The following HMGXB3 variants were observed in gnomAD, a reference collection of about 807,000 sequenced individuals.
The protein encoded by HMGXB3 is HMG-box containing 3.
A neutral mutation model predicts 121.5 loss-of-function variants in HMGXB3; 45 were observed. That is an observed-to-expected ratio of 0.37 (90% CI 0.29 to 0.47). The LOEUF (loss-of-function observed/expected upper bound fraction) is 0.47. Ranked by LOEUF, HMGXB3 falls within the 20% of genes least tolerant of loss-of-function variation. HMGXB3 has a pLI of 0.99. For missense variants in HMGXB3, 1,376 were observed against 1,602.2 expected, an observed-to-expected ratio of 0.86 and a Z score of 2.41; for synonymous variants, 590 against 624.1, an observed-to-expected ratio of 0.95 and a Z score of 0.81.
At chr5:150,037,156 A>G (rs1756518735) in intron 12 of HMGXB3, among the ~76,000 whole-genome samples, 1 of 152,204 alleles carries the variant, frequency 6.6e-6, no homozygotes, top group Non-Finnish European at 1.5e-5. Flanking sequence ...TTTAGTTTAC[A>G]TCTGGACTGC....
intron 5 of HMGXB3, chr5:150,014,809 G>A (rs989653177): frequency 2.3e-6 from 1 of 434,230 alleles, no homozygotes; most frequent in Admixed American, 4.1e-5. Flanking sequence ...TTTAACTTGG[G>A]AGGTGGGGGA....
intron 3 of HMGXB3, among the ~76,000 whole-genome samples, chr5:150,008,094 C>CACACACACACAT (rs746974088): frequency 6.8e-6 from 1 of 147,620 alleles, no homozygotes; most frequent in African/African-American, 2.5e-5. Context: ...CACACACACA[C>CACACACACACAT]ACACAAATCA....
intron 1 of HMGXB3, among the ~76,000 whole-genome samples, chr5:150,003,370 A>G (rs942638078): frequency 2.8e-4 from 43 of 152,194 alleles, no homozygotes; most frequent in African/African-American, 9.6e-4. Context: ...TGGATTTTTG[A>G]GTTAAAAATC....
intron 19 of HMGXB3, among the ~76,000 whole-genome samples, chr5:150,051,350 C>T (rs983411665): frequency 1.3e-5 from 2 of 152,196 alleles, no homozygotes; most frequent in Admixed American, 6.5e-5. Flanking sequence ...CTGGCTTTGC[C>T]TTGGAGGAGT....
chr5:150,024,783 A>G, intron 7 of HMGXB3, 103 bp downstream of exon 7: 1 of 994,878 alleles, frequency 1.0e-6, no homozygotes, highest in South Asian at 1.8e-5. Flanking sequence ...GAGACCAGGC[A>G]ATGGTTCCTG....
At chr5:150,009,967 T>G in intron 3 of HMGXB3, 144 bp from the exon 4 acceptor site, 1 of 838,778 alleles carries the variant, frequency 1.2e-6, no homozygotes. Context: ...CTTATCTGAA[T>G]TAGGTCAAGA....
Position 150,000,840 on chromosome 5 carries a change from C to T in HMGXB3, c.-342C>T, listed in dbSNP as rs1755541168. 6.5e-6 allele frequency: 1 copy of T among 154,802 alleles called. No homozygotes were observed. Among genetic ancestry groups the T allele is most frequent in the Non-Finnish European group, 1.5e-5 (1 of 68,220 alleles). The allele number at this position is 154,802 out of a possible 1,614,324, so 9.6% of individuals were successfully genotyped here. ...CTCGAGCTCCCCGGGGCTTGACCCCCGGGGCCCTCGGCAGGCATCGGTGAG... is the reference window on the plus strand; with the variant it reads ...CTCGAGCTCCCCGGGGCTTGACCCCTGGGGCCCTCGGCAGGCATCGGTGAG... On this transcript the variant is annotated 5_prime_UTR_variant, in exon 1 of 20. Transcript: ENST00000502717.
chr5:150,050,348 G>C lies in HMGXB3; in HGVS notation c.3298G>C (p.Val1100Leu). The C allele has an allele frequency of 6.4e-7, 1 of 1,551,904 alleles. No individual in the cohort carries two copies. Reference sequence around the variant, plus strand: ...CCGCCACTGGCCGCCTGTCTATGTGGTAGATATGGCCACGTCAGTGGCCCT... The same window carrying C: ...CCGCCACTGGCCGCCTGTCTATGTGCTAGATATGGCCACGTCAGTGGCCCT... ...SSRHWPPVYV[V>L]DMATSVALCA... Residue 1100 changes from valine (V) to leucine (L), a missense_variant, in exon 19 of 20, where the codon GTA becomes CTA. By Grantham distance (32) the Val-to-Leu change is conservative. Transcript: ENST00000502717.
chr5:150,029,301 T>G (rs1756317443), intron 9 of HMGXB3, among the ~76,000 whole-genome samples: 1 of 151,894 alleles, frequency 6.6e-6, no homozygotes, highest in Admixed American at 6.6e-5. Flanking sequence ...GTTGGTTTTT[T>G]GGCTATATGT....
rs1198156188 is a variant in HMGXB3, at chr5:150,012,367, G to T, written c.909+14G>T. 2 of 1,526,300 alleles carry T rather than the reference G, an allele frequency of 1.3e-6. No individual in the cohort carries two copies. The highest frequency in any genetic ancestry group is 1.8e-6 in the Non-Finnish European group (2 of 1,123,574). The allele number at this position is 1,526,300 out of a possible 1,614,324, so 94.5% of individuals were successfully genotyped here. A position where few individuals can be genotyped will look rare whatever the true frequency, so the allele number is the denominator to read the frequency against. ...TCCATCAAACTGGTCAGTACTGTATGTGGGGGATTGATGGCAATTAGGGTG... is the reference window on the plus strand; with the variant it reads ...TCCATCAAACTGGTCAGTACTGTATTTGGGGGATTGATGGCAATTAGGGTG... On this transcript the variant is annotated intron_variant, in intron 5 of 19. Coordinates refer to ENST00000502717, the MANE Select transcript of HMGXB3 (RefSeq NM_014983.3).
At chr5:150,043,425 A>G (rs1052448356) in intron 15 of HMGXB3, among the ~76,000 whole-genome samples, 5 of 152,204 alleles carry the variant, frequency 3.3e-5, no homozygotes, top group Non-Finnish European at 7.3e-5. Flanking sequence ...ACTTTCAGGT[A>G]CTGGACTTGC....
chr5:150,045,373 G>C, intron 15 of HMGXB3, 93 bp from the exon 16 acceptor site: 1 of 1,074,956 alleles, frequency 9.3e-7, no homozygotes, highest in Non-Finnish European at 1.4e-6. Flanking sequence ...ACCAAGCCTT[G>C]GCTTCCCTGT....
intron 17 of HMGXB3, among the ~76,000 whole-genome samples, chr5:150,048,010 G>A (rs1370825994): frequency 2.6e-5 from 4 of 152,200 alleles, no homozygotes; most frequent in African/African-American, 9.7e-5. Flanking sequence ...TCCTTACTGT[G>A]TGTGACCTTG....
chr5:150,013,050 T>C (rs1755880894), intron 5 of HMGXB3, among the ~76,000 whole-genome samples: 1 of 152,238 alleles, frequency 6.6e-6, no homozygotes, highest in African/African-American at 2.4e-5. Context: ...AATGACAGTT[T>C]TATATGTCCT....
chr5:150,013,651 G>A (rs1348506364), intron 5 of HMGXB3, among the ~76,000 whole-genome samples: 1 of 152,152 alleles, frequency 6.6e-6, no homozygotes, highest in African/African-American at 2.4e-5. Context: ...AGTTTTCTTT[G>A]TGAGAAGGTT....
chr5:150,030,864 G>A lies in HMGXB3; in HGVS notation c.1833+25G>A, dbSNP rs115714818. 569 of 1,509,576 alleles carry A rather than the reference G, an allele frequency of 3.8e-4. 1 individual carries two copies. In the African/African-American group the frequency reaches 7.3e-3, roughly 19 times the overall value. 93.5% of individuals were successfully genotyped at this position (1,509,576 alleles called of 1,614,324 possible). ...GGTAAGTATGCAGCTAGGTGGTGGT[G>A]GGTTGACATGGAGGTTGTTTTGATT... On this transcript the variant is annotated intron_variant, in intron 10 of 19. Transcript: ENST00000502717.
chr5:150,048,357 C>A (rs1041246684), intron 17 of HMGXB3, among the ~76,000 whole-genome samples: 1 of 152,180 alleles, frequency 6.6e-6, no homozygotes, highest in Non-Finnish European at 1.5e-5. Flanking sequence ...GATCAGCAGT[C>A]TGGCTGGCTT....
intron 1 of HMGXB3, among the ~76,000 whole-genome samples, chr5:150,002,406 C>T (rs939482542): frequency 1.3e-5 from 2 of 152,154 alleles, no homozygotes; most frequent in Non-Finnish European, 1.5e-5. Context: ...GAGTTTAGGT[C>T]TCTTGACTCC....
intron 5 of HMGXB3, 26 bp downstream of exon 5, chr5:150,012,379 T>C (rs1253848634): frequency 6.8e-7 from 1 of 1,467,778 alleles, no homozygotes; most frequent in Non-Finnish European, 9.3e-7. Context: ...GGGGGATTGA[T>C]GGCAATTAGG....
Sources: gnomAD v4.1 joint callset for allele counts (sites outside exome capture counted in the v4.1 genomes callset) on GRCh38, gnomAD v4.1.1 for gene constraint, MANE v1.5 for transcripts, NCBI Gene and HGNC (gene_info 2026-07-23, HGNC 2026-07-21) for gene names.